AEBP2: variants seen among roughly 807,000 people sequenced by gnomAD.
AEBP2 encodes the protein AE binding protein 2.
A neutral mutation model predicts 50.8 loss-of-function variants in AEBP2; 10 were observed. The observed-to-expected ratio is 0.20, with a 90% CI of 0.12 to 0.33. AEBP2 has a LOEUF of 0.33. Ranked by LOEUF, AEBP2 falls within the 10% of genes least tolerant of loss-of-function variation. AEBP2 has a pLI of 1.00. For synonymous variants in AEBP2, 296 were observed against 261.3 expected (o/e 1.13, Z -1.28); for missense variants, 570 against 688.0 (o/e 0.83, Z 1.92).
chr12:19,499,746 G>GAT (rs10665347), intron 4 of AEBP2, among the ~76,000 whole-genome samples: 3,271 of 152,154 alleles, frequency 0.021, 42 homozygotes, highest in East Asian at 0.043. Flanking sequence ...TTGAAATCCT[G>GAT]ATATATAGAT....
chr12:19,512,489 T>G, intron 6 of AEBP2, 24 bp downstream of exon 6: 1 of 1,411,018 alleles, frequency 7.1e-7, no homozygotes, highest in Non-Finnish European at 9.7e-7. Flanking sequence ...ATATTATGCC[T>G]TAGTAATAAG....
At chr12:19,427,016 G>A (rs916510755) in intron 1 of AEBP2, among the ~76,000 whole-genome samples, 2 of 152,194 alleles carry the variant, frequency 1.3e-5, no homozygotes, top group Non-Finnish European at 2.9e-5. Context: ...ATGTGGGCAA[G>A]CATTATCCAA....
At chr12:19,500,315 A>G in intron 5 of AEBP2, 94 bp downstream of exon 5, 2 of 1,192,126 alleles carry the variant, frequency 1.7e-6, no homozygotes, top group East Asian at 3.0e-5. Flanking sequence ...CTAAGAAAGT[A>G]CAATTTAACA....
chr12:19,513,881 T>A (rs542778356), intron 6 of AEBP2, among the ~76,000 whole-genome samples: 3 of 148,006 alleles, frequency 2.0e-5, no homozygotes, highest in Non-Finnish European at 4.4e-5. Context: ...TTCAGTGTTA[T>A]GGCCGCATGC....
At chr12:19,487,537 G>GT (rs1189071599) in intron 3 of AEBP2, among the ~76,000 whole-genome samples, 1 of 152,106 alleles carries the variant, frequency 6.6e-6, no homozygotes, top group African/African-American at 2.4e-5. Context: ...GACCAACATG[G>GT]TGAAACCCTG....
intron 1 of AEBP2, among the ~76,000 whole-genome samples, chr12:19,412,873 C>T (rs1464761296): frequency 1.3e-5 from 2 of 152,218 alleles, no homozygotes; most frequent in Non-Finnish European, 2.9e-5. Flanking sequence ...CTGGGTGCCT[C>T]CCCGGGGGCC....
intron 2 of AEBP2, 44 bp downstream of exon 2, chr12:19,462,761 TTTTATTAATTTA>T (rs1352686561): frequency 1.3e-6 from 2 of 1,522,962 alleles, no homozygotes; most frequent in South Asian, 2.5e-5. Context: ...TTTTCGTTAG[TTTTATTAATTTA>T]TAATTGCTAG....
intron 1 of AEBP2, among the ~76,000 whole-genome samples, chr12:19,409,634 C>T (rs1342067282): frequency 2.6e-5 from 4 of 152,176 alleles, no homozygotes; most frequent in African/African-American, 7.2e-5. Context: ...ACTTCACATA[C>T]ATTTTTAAAC....
intron 1 of AEBP2, chr12:19,457,152 G>T: frequency 6.3e-7 from 1 of 1,597,866 alleles, no homozygotes; most frequent in Non-Finnish European, 8.5e-7. Context: ...TCTGGCTGTA[G>T]GGTGGCTCAG....
chr12:19,464,757 T>G (rs1237919492), intron 2 of AEBP2, among the ~76,000 whole-genome samples: 1 of 151,490 alleles, frequency 6.6e-6, no homozygotes, highest in African/African-American at 2.4e-5. Flanking sequence ...TGGCTAAATT[T>G]TTTTGTATTT....
At chr12:19,460,881 C>A (rs578121451) in intron 1 of AEBP2, among the ~76,000 whole-genome samples, 7 of 152,008 alleles carry the variant, frequency 4.6e-5, no homozygotes, top group African/African-American at 1.7e-4. Context: ...GTCTCGATCT[C>A]CTGATCTTGT....
rs183379404 is a variant in AEBP2 at position 19,424,090 on chromosome 12, G to A, written c.-17+19874G>A. On this transcript the variant is annotated intron_variant, in intron 1 of 3. Transcript: ENST00000538425. Reference sequence around the variant, plus strand: ...GGGAAGACCTTGTAGAATAAGAAGAGAGTTGGGCCAAGTAGGTAGACTTGG... The same window carrying A: ...GGGAAGACCTTGTAGAATAAGAAGAAAGTTGGGCCAAGTAGGTAGACTTGG... 9.8e-4 allele frequency among the ~76,000 whole-genome samples: 149 copies of A among 152,296 alleles called. No individual in the cohort carries two copies. The Middle Eastern group carries it at 0.014, about 14-fold the overall frequency.
intron 1 of AEBP2, among the ~76,000 whole-genome samples, chr12:19,426,338 T>TA (rs1441866629): frequency 1.3e-5 from 2 of 152,182 alleles, no homozygotes; most frequent in East Asian, 1.9e-4. Context: ...CAACAGCACC[T>TA]AAAAGGACAG....
intron 6 of AEBP2, among the ~76,000 whole-genome samples, chr12:19,514,361 A>G (rs542920937): frequency 6.6e-6 from 1 of 152,316 alleles, no homozygotes; most frequent in South Asian, 2.1e-4. Context: ...AAAATCAAGT[A>G]TGAATTTCAC....
chr12:19,480,557 T>C (rs184655273), intron 3 of AEBP2, among the ~76,000 whole-genome samples: 2 of 152,368 alleles, frequency 1.3e-5, no homozygotes, highest in Admixed American at 1.3e-4. Flanking sequence ...AGCTTAGTTT[T>C]GCTGGATACA....
At chr12:19,445,061 C>T (rs1948035292) in intron 1 of AEBP2, among the ~76,000 whole-genome samples, 1 of 151,836 alleles carries the variant, frequency 6.6e-6, no homozygotes. Flanking sequence ...GGTCTCTTGT[C>T]TATGAAAGGG....
intron 5 of AEBP2, among the ~76,000 whole-genome samples, chr12:19,510,128 A>G (rs924114149): frequency 5.9e-5 from 9 of 152,146 alleles, no homozygotes; most frequent in African/African-American, 2.2e-4. Flanking sequence ...ATGTTAAATG[A>G]CTGCATAGTA....
chr12:19,440,620 C>T (rs911547449), intron 1 of AEBP2: 9 of 1,489,040 alleles, frequency 6.0e-6, no homozygotes, highest in Middle Eastern at 2.4e-4. Context: ...CGGCGCTTCG[C>T]TCCTCACGGA....
chr12:19,507,038 A>C (rs920306551), intron 5 of AEBP2, among the ~76,000 whole-genome samples: 1 of 152,146 alleles, frequency 6.6e-6, no homozygotes, highest in Admixed American at 6.5e-5. Context: ...GCTGATGGCT[A>C]TAAATTGAGA....
Sources: gnomAD v4.1 joint callset for allele counts (sites outside exome capture counted in the v4.1 genomes callset) on GRCh38, gnomAD v4.1.1 for gene constraint, MANE v1.5 for transcripts, NCBI Gene and HGNC (gene_info 2026-07-23, HGNC 2026-07-21) for gene names.